Variants in EP300 observed in about 807,000 individuals in gnomAD.
EP300 encodes EP300 lysine acetyltransferase, also known as histone acetyltransferase p300.
A neutral mutation model predicts 264.0 loss-of-function variants in EP300; 31 were observed. The observed-to-expected ratio is 0.12, with a 90% CI of 0.09 to 0.16. EP300 has a LOEUF of 0.16. Among genes scored for constraint, EP300 ranks in the 10% least tolerant of loss-of-function variants. The probability of loss-of-function intolerance (pLI) is 1.00; values close to 1 mark genes in which losing one functional copy is unlikely to be tolerated. For synonymous variants in EP300, 1,340 were observed against 1,045.4 expected (o/e 1.28, Z -5.44); for missense variants, 2,766 against 3,052.9 (o/e 0.91, Z 2.21).
Position 41,147,929 on chromosome 22 carries a change from C to T in EP300, c.2224C>T (p.Pro742Ser), listed in dbSNP as rs2145734352. 1.2e-6 allele frequency: 2 copies of T among 1,608,362 alleles called. No homozygotes were observed. Among genetic ancestry groups the T allele is most frequent in the South Asian group, 2.2e-5 (2 of 90,354 alleles). ...PLQHHGQLAQ[P>S]GALNPPMGYG... ...TCAGCACCATGGACAGTTGGCTCAA[C>T]CTGGAGCTCTCAACCCGGTTAGTTT... Residue 742 changes from proline to serine, a missense_variant, in exon 12 of 31, where the codon CCT (proline) becomes TCT (serine). Pro to Ser is a moderately conservative substitution (Grantham distance 74, BLOSUM62 -1). Transcript: ENST00000263253.
At chr22:41,174,281 C>G (rs1464164553) in intron 29 of EP300, among the ~76,000 whole-genome samples, 2 of 151,826 alleles carry the variant, frequency 1.3e-5, no homozygotes, top group African/African-American at 4.8e-5. Context: ...ACTAAAAATA[C>G]AAAAATTAGC....
intron 6 of EP300, among the ~76,000 whole-genome samples, chr22:41,135,340 C>T (rs192233456): frequency 6.6e-4 from 101 of 152,160 alleles, no homozygotes; most frequent in Non-Finnish European, 1.3e-3. Context: ...GTTTATAGTT[C>T]CTATTATAGC....
intron 1 of EP300, among the ~76,000 whole-genome samples, chr22:41,105,465 C>G (rs534438952): frequency 2.0e-5 from 3 of 151,876 alleles, no homozygotes; most frequent in South Asian, 4.2e-4. Flanking sequence ...GTGGTGCAGT[C>G]TCCACTCACT....
At chr22:41,152,771 T>TG (rs869241282) in intron 16 of EP300, among the ~76,000 whole-genome samples, 2 of 48 alleles carry the variant, frequency 0.042, no homozygotes, top group East Asian at 0.33. Flanking sequence ...TTCTTTTTTG[T>TG]TTGGAATCGG....
intron 12 of EP300, among the ~76,000 whole-genome samples, chr22:41,148,243 G>A (rs984566677): frequency 2.6e-5 from 4 of 152,120 alleles, no homozygotes; most frequent in Admixed American, 6.5e-5. Context: ...TTGATGGTGC[G>A]TTTTTGCCTG....
At chr22:41,155,462 G>C (rs2059071814) in intron 17 of EP300, among the ~76,000 whole-genome samples, 1 of 152,068 alleles carries the variant, frequency 6.6e-6, no homozygotes, top group South Asian at 2.1e-4. Context: ...TTGAACGCCT[G>C]GACTCAAGCA....
intron 19 of EP300, chr22:41,159,172 C>G (rs1181663644): frequency 1.3e-5 from 2 of 152,858 alleles, no homozygotes; most frequent in East Asian, 3.9e-4. Flanking sequence ...TTTCAGTGAT[C>G]AGCTACAAGT....
intron 1 of EP300, among the ~76,000 whole-genome samples, chr22:41,097,428 T>C (rs949287638): frequency 1.1e-4 from 17 of 151,348 alleles, no homozygotes; most frequent in Admixed American, 6.6e-4. Flanking sequence ...TTTCTTTGCT[T>C]TTCTCTCTCT....
chr22:41,131,982 G>A (rs1317417425), intron 6 of EP300, among the ~76,000 whole-genome samples: 3 of 152,064 alleles, frequency 2.0e-5, no homozygotes, highest in Admixed American at 6.5e-5. Context: ...TGGATCACAA[G>A]GTCAGGAGTT....
intron 3 of EP300, among the ~76,000 whole-genome samples, chr22:41,127,116 C>G (rs565087983): frequency 6.6e-6 from 1 of 152,020 alleles, no homozygotes. Context: ...TTCACCAACC[C>G]GAAAGACCCC....
In EP300 at chr22:41,178,077, G is replaced by T. The variant is rs748755126; in HGVS notation, c.6366G>T (p.Gln2122His). 1.2e-6 allele frequency: 2 copies of T among 1,614,156 alleles called. No individual in the cohort carries two copies. Among genetic ancestry groups the T allele is most frequent in the Non-Finnish European group, 1.7e-6 (2 of 1,180,024 alleles). Reference sequence around the variant, plus strand: ...AGCCACCTACCATGCCAGGTCAGCAGGGGGTCCACTCCAATCCAGCCATGC... The same window carrying T: ...AGCCACCTACCATGCCAGGTCAGCATGGGGTCCACTCCAATCCAGCCATGC... ...GLQPPTMPGQ[Q>H]GVHSNPAMQN... Residue 2122 changes from glutamine (Q) to histidine (H), a missense_variant, in exon 31 of 31, where the codon CAG becomes CAT. Physicochemically the swap from Gln to His is conservative, Grantham distance 24 (BLOSUM62 0). Transcript: ENST00000263253.
intron 1 of EP300, among the ~76,000 whole-genome samples, chr22:41,104,147 A>G (rs2058745709): frequency 6.6e-6 from 1 of 152,250 alleles, no homozygotes; most frequent in African/African-American, 2.4e-5. Context: ...TTCCCTTGTA[A>G]CAAATCTCAA....
intron 6 of EP300, among the ~76,000 whole-genome samples, chr22:41,132,313 G>C (rs1168767819): frequency 8.5e-6 from 1 of 117,460 alleles, no homozygotes; most frequent in Non-Finnish European, 1.7e-5. Context: ...TTTTGAGATG[G>C]AGTCTCGCTC....
intron 11 of EP300, among the ~76,000 whole-genome samples, chr22:41,147,611 G>A (rs2059018823): frequency 6.6e-6 from 1 of 151,956 alleles, no homozygotes; most frequent in Admixed American, 6.6e-5. Context: ...GGTGGCGGAC[G>A]CCTGTAGTCC....
Position 41,149,156 on chromosome 22 carries a change from G to A in EP300, c.2360G>A (p.Gly787Asp), listed in dbSNP as rs2145736174. The A allele has an allele frequency of 6.2e-7, 1 of 1,614,014 alleles. No homozygotes were observed. The highest frequency in any genetic ancestry group is 2.2e-5 in the East Asian group (1 of 44,874). Residue 787 changes from glycine (G) to aspartate (D), a missense_variant, in exon 13 of 31, where the codon GGT (glycine) becomes GAT (aspartate). Gly to Asp is a moderately conservative substitution (Grantham distance 94, BLOSUM62 -1). Coordinates refer to ENST00000263253, the MANE Select transcript of EP300 (RefSeq NM_001429.4). ...AATATCCCTTTGGCTCCGTCCAGCG[G>A]TCAAGCTCCAGTGTCTCAAGTATGT... is the stretch of plus-strand genomic sequence containing the variant. ...VTNIPLAPSS[G>D]QAPVSQAQMS...
chr22:41,177,852 T>A lies in EP300; in HGVS notation c.6141T>A (p.Ser2047=), dbSNP rs1254969855. ...GISPLKPGTV[S]QQALQNLLRT... ...GCCCACTCAAACCAGGCACTGTGTC[T>A]CAACAAGCCTTACAAAACCTTTTGC... The change falls in exon 31 of 31, where the codon TCT becomes TCA. Residue 2047 remains serine (S), a synonymous_variant. Coordinates refer to ENST00000263253, the MANE Select transcript of EP300 (RefSeq NM_001429.4). 3.7e-6 allele frequency: 6 copies of A among 1,614,136 alleles called. No homozygotes were observed. The highest frequency in any genetic ancestry group is 5.1e-6 in the Non-Finnish European group (6 of 1,180,018).
At chr22:41,161,109 CATT>C (rs1355335954) in intron 20 of EP300, among the ~76,000 whole-genome samples, 2 of 152,182 alleles carry the variant, frequency 1.3e-5, no homozygotes, top group South Asian at 2.1e-4. Flanking sequence ...AAGAAAACAT[CATT>C]ATTAACTGTT....
At chr22:41,157,140 G>A (rs1309647892) in intron 17 of EP300, 29 bp from the exon 18 acceptor site, 1 of 1,613,704 alleles carries the variant, frequency 6.2e-7, no homozygotes, top group South Asian at 1.1e-5. Flanking sequence ...TGAGACTTGA[G>A]TAATGTTTGA....
intron 6 of EP300, among the ~76,000 whole-genome samples, chr22:41,134,355 CTG>C (rs2058937995): frequency 6.6e-6 from 1 of 151,676 alleles, no homozygotes; most frequent in African/African-American, 2.4e-5. Flanking sequence ...GGTCTGATAA[CTG>C]GAAACGTACG....
Sources: gnomAD v4.1 joint callset for allele counts (sites outside exome capture counted in the v4.1 genomes callset) on GRCh38, gnomAD v4.1.1 for gene constraint, MANE v1.5 for transcripts, NCBI Gene and HGNC (gene_info 2026-07-23, HGNC 2026-07-21) for gene names.